KLF7: variants seen among roughly 807,000 people sequenced by gnomAD.
KLF7 encodes the protein Krueppel-like factor 7.
In KLF7, 2 loss-of-function variants were observed where a neutral mutation model predicts 27.3. That is an observed-to-expected ratio of 0.07 (90% CI 0.03 to 0.23). KLF7 has a LOEUF of 0.23. Among genes scored for constraint, KLF7 ranks in the 10% least tolerant of loss-of-function variants. The pLI, the probability that KLF7 is intolerant of heterozygous loss-of-function variation, is 1.00. For synonymous variants in KLF7, 165 were observed against 162.4 expected (o/e 1.02, Z -0.12); for missense variants, 221 against 394.1 (o/e 0.56, Z 3.72).
At chr2:207,172,607 A>T in the KLF7 span, among the ~76,000 whole-genome samples, 41 of 152,290 alleles carry the variant, frequency 2.7e-4, no homozygotes, top group Non-Finnish European at 5.6e-4. Flanking sequence ...CTTTTACAGG[A>T]TAATCAAAAA....
At chr2:207,154,422 G>A (rs2078326460) in intron 1 of KLF7, among the ~76,000 whole-genome samples, 1 of 152,204 alleles carries the variant, frequency 6.6e-6, no homozygotes, top group African/African-American at 2.4e-5. Context: ...TTCCAAGGAT[G>A]TCAAACTAGG....
intron 1 of KLF7, among the ~76,000 whole-genome samples, chr2:207,148,142 T>C (rs2078147519): frequency 6.6e-6 from 1 of 152,216 alleles, no homozygotes; most frequent in Non-Finnish European, 1.5e-5. Context: ...TCCCTGTAAA[T>C]CAAATTGGTG....
At chr2:207,153,024 T>C (rs561006015) in intron 1 of KLF7, among the ~76,000 whole-genome samples, 20 of 152,312 alleles carry the variant, frequency 1.3e-4, no homozygotes, top group African/African-American at 4.6e-4. Flanking sequence ...TTACTGTTTG[T>C]ATGTCTGATA....
chr2:207,109,126 A>G (rs576105553), intron 2 of KLF7, among the ~76,000 whole-genome samples: 11 of 152,370 alleles, frequency 7.2e-5, no homozygotes, highest in Admixed American at 3.3e-4. Context: ...GTACTGAGAT[A>G]CCACTTCAAG....
chr2:207,140,870 TC>T (rs1162661414), intron 1 of KLF7, among the ~76,000 whole-genome samples: 3 of 152,182 alleles, frequency 2.0e-5, no homozygotes, highest in African/African-American at 7.2e-5. Flanking sequence ...GGGTACCTGA[TC>T]CGTCTTGGAC....
intron 1 of KLF7, among the ~76,000 whole-genome samples, chr2:207,162,158 C>T (rs2078568295): frequency 6.6e-6 from 1 of 151,946 alleles, no homozygotes. Context: ...TTTTCCAAGT[C>T]AGCAGTGTGT....
intron 1 of KLF7, among the ~76,000 whole-genome samples, chr2:207,131,533 C>T (rs2077634973): frequency 6.6e-6 from 1 of 152,146 alleles, no homozygotes; most frequent in African/African-American, 2.4e-5. Context: ...TTTCTTCAAG[C>T]CACCCTCTAA....
At chr2:207,142,223 TCTTCA>T (rs1027827269) in intron 1 of KLF7, among the ~76,000 whole-genome samples, 2 of 152,210 alleles carry the variant, frequency 1.3e-5, no homozygotes, top group African/African-American at 2.4e-5. Context: ...CATTGCATGC[TCTTCA>T]CTGAGGTGAC....
intron 1 of KLF7, chr2:207,134,048 T>C (rs1188525588): frequency 6.5e-7 from 1 of 1,532,498 alleles, no homozygotes; most frequent in East Asian, 2.5e-5. Flanking sequence ...TCAAACTCCC[T>C]GGGCCCCTTT....
intron 1 of KLF7, among the ~76,000 whole-genome samples, chr2:207,164,815 G>A (rs2078654946): frequency 6.6e-6 from 1 of 152,056 alleles, no homozygotes; most frequent in Admixed American, 6.5e-5. Context: ...CTTTCTGGAG[G>A]GATCACACTG....
intron 2 of KLF7, among the ~76,000 whole-genome samples, chr2:207,102,101 C>A (rs950442347): frequency 4.0e-5 from 6 of 150,082 alleles, no homozygotes; most frequent in African/African-American, 1.5e-4. Context: ...ATGACTGAAA[C>A]CACCCGTGAA....
intron 2 of KLF7, among the ~76,000 whole-genome samples, chr2:207,097,077 A>C (rs2076648576): frequency 1.3e-5 from 2 of 152,224 alleles, no homozygotes; most frequent in African/African-American, 2.4e-5. Flanking sequence ...GCTGATGCTG[A>C]TGCTGCTGCT....
chr2:207,127,305 T>C (rs550138903), intron 1 of KLF7, among the ~76,000 whole-genome samples: 1 of 152,282 alleles, frequency 6.6e-6, no homozygotes, highest in African/African-American at 2.4e-5. Context: ...TGTCAAATCA[T>C]TATGAAATGA....
At chr2:207,145,836 G>A (rs2078082760) in intron 1 of KLF7, among the ~76,000 whole-genome samples, 1 of 151,986 alleles carries the variant, frequency 6.6e-6, no homozygotes, top group African/African-American at 2.4e-5. Context: ...GCACACAGAA[G>A]GACCCCAGGA....
At chr2:207,136,932 G>A (rs766751029) in intron 1 of KLF7, among the ~76,000 whole-genome samples, 15 of 152,188 alleles carry the variant, frequency 9.9e-5, no homozygotes, top group Non-Finnish European at 2.2e-4. Flanking sequence ...GTACTCATCA[G>A]ACAGAAGCCA....
chr2:207,164,328 C>T (rs915884093), intron 1 of KLF7, among the ~76,000 whole-genome samples: 1 of 152,168 alleles, frequency 6.6e-6, no homozygotes, highest in Non-Finnish European at 1.5e-5. Flanking sequence ...AGCCCTCCCC[C>T]CAAGGGCAAG....
intron 1 of KLF7, among the ~76,000 whole-genome samples, chr2:207,149,947 G>A (rs1018883127): frequency 5.3e-5 from 8 of 152,094 alleles, no homozygotes; most frequent in African/African-American, 7.3e-5. Flanking sequence ...GTAAGTCCCC[G>A]TCTTCTTATT....
rs1185627369 is a variant in KLF7, at chr2:207,076,663, C to G, written c.*4550G>C. 1 of 152,134 alleles carries G rather than the reference C, an allele frequency of 6.6e-6. No individual in the cohort carries two copies. Among genetic ancestry groups the G allele is most frequent in the East Asian group, 1.9e-4 (1 of 5,192 alleles). The allele number at this position is 152,134 out of a possible 1,614,324, so 9.4% of individuals were successfully genotyped here. A position where few individuals can be genotyped will look rare whatever the true frequency, so the allele number is the denominator to read the frequency against. Reference sequence around the variant, plus strand: ...TTTCTGTTGTTCCATCTCAAGTATTCCCAAAGATCCTCACTGAGGAAAGTA... The same window carrying G: ...TTTCTGTTGTTCCATCTCAAGTATTGCCAAAGATCCTCACTGAGGAAAGTA... On this transcript the variant is annotated 3_prime_UTR_variant, in exon 4 of 4. Coordinates refer to ENST00000309446, the MANE Select transcript of KLF7 (RefSeq NM_003709.4).
intron 2 of KLF7, among the ~76,000 whole-genome samples, chr2:207,113,659 C>T (rs1246896820): frequency 7.1e-6 from 1 of 141,168 alleles, no homozygotes; most frequent in East Asian, 2.2e-4. Flanking sequence ...AGAGCAGAAA[C>T]AGCTGTGTAG....
Sources: allele counts gnomAD v4.1 joint callset (sites outside exome capture counted in the v4.1 genomes callset), GRCh38; gene constraint gnomAD v4.1.1; transcripts MANE v1.5; gene names NCBI Gene and HGNC (gene_info 2026-07-23, HGNC 2026-07-21).